The following EFNA5 variants were observed in gnomAD, a reference collection of about 807,000 sequenced individuals.
The protein encoded by EFNA5 is ephrin A5, also known as ephrin-A5.
EFNA5 carries 5 observed loss-of-function variants against 22.9 expected under a neutral mutation model. The ratio of observed to expected loss-of-function variants is 0.22; its 90% CI spans 0.11 to 0.46. The LOEUF (loss-of-function observed/expected upper bound fraction) is 0.46. Among genes scored for constraint, EFNA5 ranks in the 20% least tolerant of loss-of-function variants. The pLI is 0.99. For missense variants in EFNA5, 237 were observed against 293.3 expected (o/e 0.81, Z 1.40); for synonymous variants, 113 against 112.2 (o/e 1.01, Z -0.04).
chr5:107,579,584 A>G (rs1188557957), intron 1 of EFNA5, among the ~76,000 whole-genome samples: 2 of 152,032 alleles, frequency 1.3e-5, no homozygotes, highest in African/African-American at 4.8e-5. Context: ...ATTCCATACC[A>G]GAATAATAAT....
At chr5:107,476,057 T>TATACATATATATATATA in intron 1 of EFNA5, among the ~76,000 whole-genome samples, 4 of 100,434 alleles carry the variant, frequency 4.0e-5, no homozygotes, top group Non-Finnish European at 5.6e-5. Flanking sequence ...TATATATATA[T>TATACATATATATATATA]TTTTTTTTTT....
intron 1 of EFNA5, among the ~76,000 whole-genome samples, chr5:107,667,489 A>G (rs548426316): frequency 7.2e-5 from 11 of 152,174 alleles, no homozygotes; most frequent in Non-Finnish European, 1.3e-4. Context: ...CAGATACACA[A>G]GTGACACAAG....
At chr5:107,492,709 T>C (rs949722031) in intron 1 of EFNA5, among the ~76,000 whole-genome samples, 1 of 152,096 alleles carries the variant, frequency 6.6e-6, no homozygotes, top group Non-Finnish European at 1.5e-5. Flanking sequence ...TGAAAGAAAA[T>C]CATCCTTGGC....
intron 2 of EFNA5, among the ~76,000 whole-genome samples, chr5:107,419,892 C>T (rs1371542748): frequency 2.0e-5 from 3 of 152,220 alleles, no homozygotes; most frequent in East Asian, 3.9e-4. Context: ...AAGCAAATAT[C>T]GAGTGTTTCA....
intron 1 of EFNA5, among the ~76,000 whole-genome samples, chr5:107,537,137 C>T (rs1304670902): frequency 6.6e-6 from 1 of 151,924 alleles, no homozygotes; most frequent in Admixed American, 6.6e-5. Context: ...GTAGATTTCT[C>T]AAAACTAATC....
At chr5:107,471,576 T>G (rs1259126587) in intron 1 of EFNA5, among the ~76,000 whole-genome samples, 1 of 152,232 alleles carries the variant, frequency 6.6e-6, no homozygotes, top group Non-Finnish European at 1.5e-5. Flanking sequence ...AAATTCATGC[T>G]AGTCAGTTGA....
intron 1 of EFNA5, among the ~76,000 whole-genome samples, chr5:107,480,019 A>C (rs1332171323): frequency 6.6e-6 from 1 of 152,238 alleles, no homozygotes; most frequent in Non-Finnish European, 1.5e-5. Flanking sequence ...AATTGAAATC[A>C]TACTGATTTA....
At chr5:107,521,907 A>T (rs1271085558) in intron 1 of EFNA5, among the ~76,000 whole-genome samples, 1 of 152,194 alleles carries the variant, frequency 6.6e-6, no homozygotes, top group South Asian at 2.1e-4. Flanking sequence ...ATCATTGCAC[A>T]CTACAGCCTC....
At position 107,405,015 on chromosome 5, in the gene EFNA5, C is replaced by CA. The variant is rs1257722262; in HGVS notation, c.419-17245dup. Among the ~76,000 whole-genome samples the CA allele has an allele frequency of 1.6e-4, 24 of 152,272 alleles. No homozygotes were observed. The East Asian group carries it at 4.2e-3, about 27-fold the overall frequency. ...TTTAAAATTTTAGTTTTTCAAGCTA[C>CA]AGTAGGACTTTATGATGTGCTCCTA... is the stretch of plus-strand genomic sequence containing the variant. On this transcript the variant is annotated intron_variant, in intron 2 of 4. Coordinates refer to ENST00000333274, the MANE Select transcript of EFNA5 (RefSeq NM_001962.3).
intron 1 of EFNA5, among the ~76,000 whole-genome samples, chr5:107,617,189 C>T (rs1749937077): frequency 6.6e-6 from 1 of 150,794 alleles, no homozygotes; most frequent in South Asian, 2.1e-4. Flanking sequence ...CTAAACATTA[C>T]ACATACTTAC....
chr5:107,503,597 A>G (rs976571073), intron 1 of EFNA5, among the ~76,000 whole-genome samples: 1 of 152,238 alleles, frequency 6.6e-6, no homozygotes, highest in African/African-American at 2.4e-5. Context: ...CTACTTACGT[A>G]GTAAGAACTG....
intron 2 of EFNA5, among the ~76,000 whole-genome samples, chr5:107,418,923 G>T (rs555683439): frequency 3.9e-5 from 6 of 152,284 alleles, no homozygotes; most frequent in African/African-American, 1.4e-4. Flanking sequence ...ACTTAACAGG[G>T]CATGCATTTC....
rs61305329 is a variant in EFNA5, at chr5:107,384,768, ATTTTTTT to A, written c.565+2460_565+2466del. On this transcript the variant is annotated intron_variant, in intron 4 of 4. Coordinates refer to ENST00000333274, the MANE Select transcript of EFNA5 (RefSeq NM_001962.3). The stretch of plus-strand genomic sequence containing the variant: ...CTGAGACTAAAGGCACACACACCAC[ATTTTTTT>A]TTTTTTTTTTTTTTTTTTGGTAAAG... 2.5e-3 allele frequency among the ~76,000 whole-genome samples: 232 copies of A among 92,800 alleles called. 4 individuals carry two copies. In the East Asian group the frequency reaches 0.029, roughly 12 times the overall value. 60.9% of individuals were successfully genotyped at this position (92,800 alleles called of 152,430 possible). A position where few individuals can be genotyped will look rare whatever the true frequency, so the allele number is the denominator to read the frequency against.
At chr5:107,481,114 C>G (rs1242896753) in intron 1 of EFNA5, among the ~76,000 whole-genome samples, 1 of 152,162 alleles carries the variant, frequency 6.6e-6, no homozygotes, top group East Asian at 1.9e-4. Context: ...CAGCAAGCAA[C>G]AGGGTAAAGT....
chr5:107,477,571 G>A (rs11948482), intron 1 of EFNA5, among the ~76,000 whole-genome samples: 8,991 of 151,972 alleles, frequency 0.059, 313 homozygotes, highest in East Asian at 0.13. Flanking sequence ...GTGTCTTTTG[G>A]GGATACATGT....
At chr5:107,509,359 C>T (rs1195342712) in intron 1 of EFNA5, among the ~76,000 whole-genome samples, 2 of 151,466 alleles carry the variant, frequency 1.3e-5, no homozygotes, top group African/African-American at 4.9e-5. Context: ...CACCCTGTCG[C>T]CCAGGCTGCA....
intron 1 of EFNA5, among the ~76,000 whole-genome samples, chr5:107,536,113 C>T (rs1747923996): frequency 6.6e-6 from 1 of 152,208 alleles, no homozygotes; most frequent in Admixed American, 6.5e-5. Context: ...GAGGCATTCA[C>T]TGAACTTCTA....
intron 1 of EFNA5, among the ~76,000 whole-genome samples, chr5:107,570,331 G>C (rs770471191): frequency 6.6e-6 from 1 of 152,124 alleles, no homozygotes; most frequent in African/African-American, 2.4e-5. Context: ...TGATTCCCAC[G>C]TTCTGCTGCC....
intron 1 of EFNA5, among the ~76,000 whole-genome samples, chr5:107,447,433 G>T (rs1278187887): frequency 6.6e-6 from 1 of 152,164 alleles, no homozygotes; most frequent in Non-Finnish European, 1.5e-5. Flanking sequence ...TTCAAGACAA[G>T]TATATTGATA....
Sources: allele counts gnomAD v4.1 joint callset (sites outside exome capture counted in the v4.1 genomes callset), GRCh38; gene constraint gnomAD v4.1.1; transcripts MANE v1.5; gene names NCBI Gene and HGNC (gene_info 2026-07-23, HGNC 2026-07-21).